The following FGD1 variants were observed in gnomAD, a reference collection of about 807,000 sequenced individuals.
The protein encoded by FGD1 is FYVE, RhoGEF and PH domain-containing protein 1.
In FGD1, 12 loss-of-function variants were observed where a neutral mutation model predicts 65.0. The observed-to-expected ratio is 0.18, with a 90% CI of 0.12 to 0.30. The LOEUF (loss-of-function observed/expected upper bound fraction) is 0.30, where lower values mean the gene tolerates loss of function less well. FGD1 is among the 10% of genes least tolerant of loss of function. FGD1 has a pLI of 1.00. For synonymous variants in FGD1, 333 were observed against 343.9 expected (o/e 0.97, Z 0.35); for missense variants, 542 against 837.6 (o/e 0.65, Z 4.36).
At chrX:54,481,964 C>T (rs1272995923) in intron 1 of FGD1, among the ~76,000 whole-genome samples, 1 of 109,875 alleles carries the variant, frequency 9.1e-6, no homozygotes. Flanking sequence ...GACGCAGGCA[C>T]GGGAACAGAC....
At chrX:54,451,717 C>T (rs1204707415) in intron 12 of FGD1, among the ~76,000 whole-genome samples, 2 of 106,373 alleles carry the variant, frequency 1.9e-5, no homozygotes, top group Non-Finnish European at 3.9e-5. Flanking sequence ...GGTGAAACCC[C>T]GTCTCTACTG....
chrX:54,484,334 C>T (rs1414514806), intron 1 of FGD1, among the ~76,000 whole-genome samples: 1 of 110,106 alleles, frequency 9.1e-6, no homozygotes, highest in East Asian at 2.8e-4. Flanking sequence ...TGTGTCTTTC[C>T]TGCTAGATAT....
rs1328408584 is a variant in FGD1 at position 54,462,074 on chromosome X, A to T, written c.1636+3377T>A. Among the ~76,000 whole-genome samples, 3 of 110,798 alleles carry T rather than the reference A, an allele frequency of 2.7e-5. No individual in the cohort carries two copies. In the East Asian group the frequency reaches 8.6e-4, roughly 32 times the overall value. On this transcript the variant is annotated intron_variant, in intron 8 of 17. Coordinates refer to ENST00000375135, the MANE Select transcript of FGD1 (RefSeq NM_004463.3). ...ACCAGTGTTGGGATCTATAACTGGGACCTCAGAATGGGCTTAGTATGAAGG... is the reference window on the plus strand; with the variant it reads ...ACCAGTGTTGGGATCTATAACTGGGTCCTCAGAATGGGCTTAGTATGAAGG...
At chrX:54,481,228 C>T (rs1243989470) in intron 1 of FGD1, among the ~76,000 whole-genome samples, 1 of 109,683 alleles carries the variant, frequency 9.1e-6, no homozygotes, top group African/African-American at 3.3e-5. Flanking sequence ...CCATGCATTA[C>T]TTGTCAGAAG....
Position 54,495,141 on chromosome X carries a change from A to G in FGD1, c.292T>C (p.Ser98Pro). The G allele has an allele frequency of 8.4e-7, 1 of 1,184,192 alleles. No individual in the cohort carries two copies. The highest frequency in any genetic ancestry group is 3.1e-5 in the East Asian group (1 of 32,569). ...ALRFSYHLEGSQPRPGLHQGN... is the reference protein window; with the variant it reads ...ALRFSYHLEGPQPRPGLHQGN... ...GCTCACTCACCAGGCCGAGGCTGCGAGCCCTCCAGGTGGTAAGAGAAGCGC... is the reference window on the plus strand; with the variant it reads ...GCTCACTCACCAGGCCGAGGCTGCGGGCCCTCCAGGTGGTAAGAGAAGCGC... Residue 98 changes from serine to proline, a missense_variant, in exon 1 of 18, where the codon TCG becomes CCG. Ser to Pro is a moderately conservative substitution (Grantham distance 74). Coordinates refer to ENST00000375135, the MANE Select transcript of FGD1 (RefSeq NM_004463.3).
chrX:54,470,356 G>T lies in FGD1; in HGVS notation c.761C>A (p.Pro254His). The change falls in exon 4 of 18, where the codon CCC (proline) becomes CAC (histidine). Residue 254 changes from proline to histidine, a missense_variant. By Grantham distance (77) the Pro-to-His change is moderately conservative. This residue lies in a region of FGD1 where 297 missense variants were observed against 326.8 expected (regional missense o/e 0.91). Transcript: ENST00000375135. ...GGAGGCCTCACCCTCGGGGAGCTGG[G>T]GCACTGGTGGCTGCGAGGTTGGCTG... Reference protein sequence around the residue: ...LPQPTSQPPVPQLPEGEASRC... With the variant: ...LPQPTSQPPVHQLPEGEASRC... 1 of 1,209,848 alleles carries T rather than the reference G, an allele frequency of 8.3e-7. No individual in the cohort carries two copies. Among genetic ancestry groups the T allele is most frequent in the Non-Finnish European group, 1.1e-6 (1 of 894,591 alleles).
intron 1 of FGD1, among the ~76,000 whole-genome samples, chrX:54,479,424 TC>T (rs1240090884): frequency 8.9e-6 from 1 of 111,745 alleles, no homozygotes; most frequent in Non-Finnish European, 1.9e-5. Flanking sequence ...GCAAGTGGCT[TC>T]AAAGCTCTGG....
chrX:54,449,094 C>T (rs1314060368), intron 15 of FGD1, 49 bp downstream of exon 15: 1 of 1,210,828 alleles, frequency 8.3e-7, no homozygotes, highest in Non-Finnish European at 1.1e-6. Context: ...GGCCTTTGGG[C>T]TGCCATTCTG....
rs1333211003 is a variant in FGD1 at position 54,496,138 on chromosome X, T to TCGG, written c.-709_-707dup. 3.0e-5 allele frequency: 3 copies of TCGG among 101,079 alleles called. No homozygotes were observed. Among genetic ancestry groups the TCGG allele is most frequent in the Non-Finnish European group, 6.0e-5 (3 of 49,784 alleles). 8.3% of individuals were successfully genotyped at this position (101,079 alleles called of 1,213,427 possible). On this transcript the variant is annotated 5_prime_UTR_variant, in exon 1 of 18. Transcript: ENST00000375135. ...GTCCTCCCCAGCTTCAGCCTGGGTC[T>TCGG]CGGCGGCGGCGGGCGGGAAGGAGCC...
At position 54,445,803 on chromosome X, in the gene FGD1, T is replaced by G; in HGVS notation, c.*306A>C. 1 of 251,683 alleles carries G rather than the reference T, an allele frequency of 4.0e-6. No individual in the cohort carries two copies. Among genetic ancestry groups the G allele is most frequent in the Non-Finnish European group, 6.9e-6 (1 of 144,960 alleles). The allele number at this position is 251,683 out of a possible 1,213,427, so 20.7% of individuals were successfully genotyped here. A position where few individuals can be genotyped will look rare whatever the true frequency, so the allele number is the denominator to read the frequency against. ...TGTGGGGAACTGGGTGGAGGCAGGA[T>G]CTGTGGTAGGGTATTGAGGGATGAG... On this transcript the variant is annotated 3_prime_UTR_variant, in exon 18 of 18. Coordinates refer to ENST00000375135, the MANE Select transcript of FGD1 (RefSeq NM_004463.3).
At chrX:54,466,992 GC>G (rs1024163091) in intron 6 of FGD1, among the ~76,000 whole-genome samples, 6 of 110,961 alleles carry the variant, frequency 5.4e-5, no homozygotes, top group Non-Finnish European at 9.4e-5. Context: ...CTGGTGATCC[GC>G]CTGCCTCGGC....
rs888529990 is a variant in FGD1 at position 54,496,118 on chromosome X, C to G, written c.-686G>C. On this transcript the variant is annotated 5_prime_UTR_variant, in exon 1 of 18. Transcript: ENST00000375135. ...GGCCTGGGCCGGGCTCCACCGTCCT[C>G]CCCAGCTTCAGCCTGGGTCTCGGCG... is the stretch of plus-strand genomic sequence containing the variant. 1 of 110,488 alleles carries G rather than the reference C, an allele frequency of 9.1e-6. No individual in the cohort carries two copies. The highest frequency in any genetic ancestry group is 1.9e-5 in the Non-Finnish European group (1 of 52,453). The allele number at this position is 110,488 out of a possible 1,213,427, so 9.1% of individuals were successfully genotyped here.
At position 54,446,347 on chromosome X, in the gene FGD1, C is replaced by A; in HGVS notation, c.2648G>T (p.Arg883Leu). The A allele has an allele frequency of 1.7e-6, 2 of 1,210,791 alleles. No homozygotes were observed. The highest frequency in any genetic ancestry group is 2.2e-6 in the Non-Finnish European group (2 of 894,957). Reference sequence around the variant, plus strand: ...CTTGAAGACATGCCTTCTGTCAGGCCGCTCCCCTGCCTCGGGCGGTCCCAC... The same window carrying A: ...CTTGAAGACATGCCTTCTGTCAGGCAGCTCCCCTGCCTCGGGCGGTCCCAC... ...FEVGPPEAGE[R>L]PDRRHVFKIT... Residue 883 changes from arginine (R) to leucine (L), a missense_variant, in exon 18 of 18, where the codon CGG (arginine) becomes CTG (leucine). By Grantham distance (102) the Arg-to-Leu change is moderately radical. Transcript: ENST00000375135.
intron 1 of FGD1, 60 bp downstream of exon 1, chrX:54,495,066 C>A: frequency 8.9e-7 from 1 of 1,121,942 alleles, no homozygotes; most frequent in Non-Finnish European, 1.2e-6. Flanking sequence ...AGAACAAGAA[C>A]CCGCTCCCAG....
chrX:54,459,787 A>T (rs752629915), intron 8 of FGD1, among the ~76,000 whole-genome samples: 104 of 110,392 alleles, frequency 9.4e-4, no homozygotes, highest in African/African-American at 3.3e-3. Flanking sequence ...TGGGGAGCTC[A>T]ATCTGGGAGG....
intron 12 of FGD1, among the ~76,000 whole-genome samples, chrX:54,451,529 C>T (rs10481874): frequency 9.2e-6 from 1 of 109,068 alleles, no homozygotes; most frequent in Non-Finnish European, 1.9e-5. Context: ...AGGTGATCCA[C>T]CCGCCTTGGC....
intron 1 of FGD1, among the ~76,000 whole-genome samples, chrX:54,475,738 C>T (rs1453116263): frequency 1.8e-5 from 2 of 112,140 alleles, no homozygotes; most frequent in Non-Finnish European, 3.8e-5. Flanking sequence ...GCACAAGAAC[C>T]TTCTGTAACT....
chrX:54,469,264 T>C (rs1230170166), intron 4 of FGD1, among the ~76,000 whole-genome samples: 2 of 111,936 alleles, frequency 1.8e-5, no homozygotes, highest in Admixed American at 9.5e-5. Flanking sequence ...CATCCATAAA[T>C]ACAGATAATA....
At chrX:54,478,844 A>G (rs1164764463) in intron 1 of FGD1, among the ~76,000 whole-genome samples, 1 of 111,240 alleles carries the variant, frequency 9.0e-6, no homozygotes, top group Admixed American at 9.6e-5. Flanking sequence ...GTAAAACTGT[A>G]TATACACTGA....
Sources: allele counts gnomAD v4.1 joint callset (sites outside exome capture counted in the v4.1 genomes callset), GRCh38; gene constraint gnomAD v4.1.1; regional missense constraint gnomAD v4.1.1; transcripts MANE v1.5; gene names NCBI Gene and HGNC (gene_info 2026-07-23, HGNC 2026-07-21).